RFTN2: variants seen among roughly 807,000 people sequenced by gnomAD.
The protein encoded by RFTN2 is raftlin family member 2, also known as raftlin-2.
Under a neutral mutation model 52.7 loss-of-function variants are expected in RFTN2, and 34 were observed. The ratio of observed to expected loss-of-function variants is 0.64; its 90% CI spans 0.49 to 0.86. RFTN2 has a LOEUF of 0.86. Among genes scored for constraint, RFTN2 ranks in the 40% least tolerant of loss-of-function variants. RFTN2 has a pLI of 0.00. For synonymous variants in RFTN2, 203 were observed against 217.7 expected, an observed-to-expected ratio of 0.93 and a Z score of 0.59; for missense variants, 536 against 600.1, an observed-to-expected ratio of 0.89 and a Z score of 1.12.
At chr2:197,580,767 G>A (rs1053185291) in intron 8 of RFTN2, among the ~76,000 whole-genome samples, 7 of 152,120 alleles carry the variant, frequency 4.6e-5, no homozygotes, top group African/African-American at 1.7e-4. Context: ...GGTATTGACG[G>A]CCAGACTTCT....
At chr2:197,645,489 A>T (rs2088734700) in intron 2 of RFTN2, among the ~76,000 whole-genome samples, 1 of 152,214 alleles carries the variant, frequency 6.6e-6, no homozygotes, top group South Asian at 2.1e-4. Flanking sequence ...TAATGTGTTA[A>T]TCTAAGATAT....
intron 3 of RFTN2, among the ~76,000 whole-genome samples, chr2:197,643,178 G>T (rs192742917): frequency 6.6e-6 from 1 of 152,178 alleles, no homozygotes; most frequent in East Asian, 1.9e-4. Flanking sequence ...CTCACTTCTA[G>T]GCTCAGGTGA....
chr2:197,667,387 A>G (rs1422794214), intron 1 of RFTN2, among the ~76,000 whole-genome samples: 1 of 152,136 alleles, frequency 6.6e-6, no homozygotes, highest in Non-Finnish European at 1.5e-5. Flanking sequence ...CTTGTATTTC[A>G]CTGAGCTTCC....
At chr2:197,663,139 A>G (rs2089002213) in intron 1 of RFTN2, among the ~76,000 whole-genome samples, 1 of 152,174 alleles carries the variant, frequency 6.6e-6, no homozygotes, top group Admixed American at 6.6e-5. Flanking sequence ...GTGATGTGTC[A>G]TGTTTATAGA....
At chr2:197,662,144 A>G (rs563684384) in intron 1 of RFTN2, among the ~76,000 whole-genome samples, 15 of 151,906 alleles carry the variant, frequency 9.9e-5, no homozygotes, top group East Asian at 9.7e-4. Context: ...GTATAATCCT[A>G]TTTGTCTATT....
intron 8 of RFTN2, among the ~76,000 whole-genome samples, chr2:197,589,538 T>A (rs897110443): frequency 6.6e-5 from 10 of 152,210 alleles, no homozygotes; most frequent in African/African-American, 2.4e-4. Flanking sequence ...ATTGTCAGTA[T>A]TTTTTATTTT....
chr2:197,579,078 G>A (rs1489506183), intron 8 of RFTN2, among the ~76,000 whole-genome samples: 1 of 152,122 alleles, frequency 6.6e-6, no homozygotes, highest in Admixed American at 6.5e-5. Flanking sequence ...TTTTATCCAT[G>A]AAAACAAAAC....
intron 8 of RFTN2, among the ~76,000 whole-genome samples, chr2:197,584,107 G>A (rs973741621): frequency 2.0e-5 from 3 of 152,236 alleles, no homozygotes; most frequent in East Asian, 3.9e-4. Context: ...GTGTCTTCAT[G>A]GCAGCATGAT....
Position 197,665,741 on chromosome 2 carries a change from G to A in RFTN2, c.139+9579C>T, listed in dbSNP as rs566614295. ...CATTCAGCCAGTATATATGTTTTAA[G>A]TGGAGAATTTAATCTACTTACATTC... On this transcript the variant is annotated intron_variant, in intron 1 of 8. Coordinates refer to ENST00000295049, the MANE Select transcript of RFTN2 (RefSeq NM_144629.3). Among the ~76,000 whole-genome samples the A allele has an allele frequency of 2.6e-5, 4 of 151,822 alleles. No homozygotes were observed. In the East Asian group the frequency reaches 5.8e-4, roughly 22 times the overall value.
intron 8 of RFTN2, chr2:197,588,035 A>G: frequency 2.1e-6 from 1 of 468,980 alleles, no homozygotes; most frequent in Non-Finnish European, 4.4e-6. Flanking sequence ...CAAAAATATG[A>G]GTAGATTTGC....
At chr2:197,611,116 T>C (rs2088051062) in intron 7 of RFTN2, among the ~76,000 whole-genome samples, 1 of 152,228 alleles carries the variant, frequency 6.6e-6, no homozygotes. Context: ...ATCAGGATGA[T>C]GCTGGCCTCA....
chr2:197,666,654 G>A (rs2089067219), intron 1 of RFTN2, among the ~76,000 whole-genome samples: 1 of 152,196 alleles, frequency 6.6e-6, no homozygotes, highest in Non-Finnish European at 1.5e-5. Flanking sequence ...GGGGATCTCA[G>A]AGTCTCCCAT....
intron 7 of RFTN2, among the ~76,000 whole-genome samples, chr2:197,615,369 T>G (rs1352783477): frequency 6.6e-6 from 1 of 152,212 alleles, no homozygotes; most frequent in East Asian, 1.9e-4. Flanking sequence ...AGCAAAGCAT[T>G]TTACATAATG....
chr2:197,617,951 G>T, intron 5 of RFTN2, 30 bp from the exon 6 acceptor site: 1 of 1,550,164 alleles, frequency 6.5e-7, no homozygotes, highest in Non-Finnish European at 8.7e-7. Context: ...ATTAAGAAGG[G>T]TTGTAAATAC....
At chr2:197,575,787 ATATAT>A (rs1305025728) in intron 8 of RFTN2, among the ~76,000 whole-genome samples, 34 of 131,048 alleles carry the variant, frequency 2.6e-4, no homozygotes, top group African/African-American at 3.4e-4. Flanking sequence ...TCTATATATA[ATATAT>A]TATATATATT....
At chr2:197,624,172 G>T (rs192381916) in intron 5 of RFTN2, among the ~76,000 whole-genome samples, 86 of 152,282 alleles carry the variant, frequency 5.6e-4, no homozygotes, top group African/African-American at 2.0e-3. Flanking sequence ...GACAATGAAG[G>T]ATTTAGAATA....
At chr2:197,671,513 A>G (rs1024659857) in intron 1 of RFTN2, among the ~76,000 whole-genome samples, 2 of 152,260 alleles carry the variant, frequency 1.3e-5, no homozygotes, top group African/African-American at 2.4e-5. Flanking sequence ...CACAGGGTGT[A>G]CAAAGATGGA....
chr2:197,635,834 A>T (rs1242226163), intron 3 of RFTN2, among the ~76,000 whole-genome samples: 2 of 139,308 alleles, frequency 1.4e-5, no homozygotes, highest in Non-Finnish European at 3.1e-5. Context: ...CTGAATGGTA[A>T]TGCCTAGGTT....
chr2:197,616,879 G>A (rs1322377945), intron 6 of RFTN2, among the ~76,000 whole-genome samples: 1 of 152,092 alleles, frequency 6.6e-6, no homozygotes, highest in Non-Finnish European at 1.5e-5. Context: ...TTTAACCTGT[G>A]TAAGGTCAGA....
Sources: allele counts gnomAD v4.1 joint callset (sites outside exome capture counted in the v4.1 genomes callset), GRCh38; gene constraint gnomAD v4.1.1; transcripts MANE v1.5; gene names NCBI Gene and HGNC (gene_info 2026-07-23, HGNC 2026-07-21).